The following F11R variants were observed in gnomAD, a reference collection of about 807,000 sequenced individuals.
F11R encodes junctional adhesion molecule A.
In F11R, 27 loss-of-function variants were observed where a neutral mutation model predicts 39.3. That is an observed-to-expected ratio of 0.69 (90% CI 0.51 to 0.95). The LOEUF is 0.95. Ranked by LOEUF, F11R falls within the 40% of genes least tolerant of loss-of-function variation. The pLI is 0.00. For missense variants in F11R, 335 were observed against 372.7 expected (o/e 0.90, Z 0.83); for synonymous variants, 131 against 144.9 (o/e 0.90, Z 0.69).
intron 1 of F11R, among the ~76,000 whole-genome samples, chr1:161,009,985 T>G (rs770058757): frequency 9.9e-5 from 15 of 151,880 alleles, no homozygotes; most frequent in Admixed American, 3.9e-4. Flanking sequence ...GGTCTTATGA[T>G]TGACAATGGC....
At chr1:161,017,054 A>C (rs918493196) in intron 1 of F11R, among the ~76,000 whole-genome samples, 5 of 152,144 alleles carry the variant, frequency 3.3e-5, no homozygotes, top group African/African-American at 1.2e-4. Flanking sequence ...TTGTTAAACA[A>C]ATGCTTGAAG....
At position 160,997,594 on chromosome 1, in the gene F11R, C is replaced by T. The variant is rs1458193101; in HGVS notation, c.*1277G>A. On this transcript the variant is annotated 3_prime_UTR_variant, in exon 10 of 10. Transcript: ENST00000368026. ...AGGACCAGGCACTGGGAACCAGCCCCAGGTTGCTGGGAAGCAAGGCTTTGA... is the reference window on the plus strand; with the variant it reads ...AGGACCAGGCACTGGGAACCAGCCCTAGGTTGCTGGGAAGCAAGGCTTTGA... 6.5e-6 allele frequency: 1 copy of T among 152,786 alleles called. No individual in the cohort carries two copies. The highest frequency in any genetic ancestry group is 2.4e-5 in the African/African-American group (1 of 41,452). The allele number at this position is 152,786 out of a possible 1,614,324, so 9.5% of individuals were successfully genotyped here.
At chr1:161,019,646 G>T (rs147889313) in intron 1 of F11R, among the ~76,000 whole-genome samples, 5 of 151,078 alleles carry the variant, frequency 3.3e-5, no homozygotes, top group East Asian at 3.9e-4. Flanking sequence ...TAGTGGGAAA[G>T]TAAGTTTAAA....
intron 1 of F11R, among the ~76,000 whole-genome samples, chr1:161,002,063 A>G (rs1357406413): frequency 6.6e-6 from 1 of 152,038 alleles, no homozygotes; most frequent in East Asian, 1.9e-4. Flanking sequence ...CAGGAGTTCA[A>G]GACCAGCCTG....
In F11R at chr1:160,998,682, G is replaced by C; in HGVS notation, c.*189C>G. ...CAGGCCACTCAGCAGTGGTAGGAAA[G>C]GGAGGGAGGGCATGAAGGAGGATGG... On this transcript the variant is annotated 3_prime_UTR_variant, in exon 10 of 10. Transcript: ENST00000368026. 1 of 624,090 alleles carries C rather than the reference G, an allele frequency of 1.6e-6. No homozygotes were observed. Among genetic ancestry groups the C allele is most frequent in the Non-Finnish European group, 2.9e-6 (1 of 347,594 alleles). 38.7% of individuals were successfully genotyped at this position (624,090 alleles called of 1,614,324 possible).
chr1:161,010,107 T>C (rs895570014), intron 1 of F11R, among the ~76,000 whole-genome samples: 1 of 149,422 alleles, frequency 6.7e-6, no homozygotes, highest in Admixed American at 6.7e-5. Flanking sequence ...ATTGAAGTAC[T>C]ACCGTTACCA....
Position 160,998,887 on chromosome 1 carries a change from G to C in F11R, c.884C>G (p.Ser295Trp). The change falls in exon 10 of 10, where the codon TCG becomes TGG. Residue 295 changes from serine to tryptophan, a missense_variant. Transcript: ENST00000368026. ...ARSEGEFKQT[S>W]SFLV ...CGACCAGGCTCACACCAGGAATGAC[G>C]AGGTCTGTTTGAATTCTCCCTGCAG... The C allele has an allele frequency of 6.2e-7, 1 of 1,614,132 alleles. No individual in the cohort carries two copies. Among genetic ancestry groups the C allele is most frequent in the South Asian group, 1.1e-5 (1 of 91,084 alleles).
At chr1:161,016,243 G>GT (rs1341011686) in intron 1 of F11R, among the ~76,000 whole-genome samples, 4 of 152,048 alleles carry the variant, frequency 2.6e-5, no homozygotes, top group African/African-American at 7.2e-5. Context: ...TTTGGAGGCC[G>GT]TGGCGGGCAG....
chr1:160,998,855 G>A lies in F11R; in HGVS notation c.*16C>T, dbSNP rs370163633. The A allele has an allele frequency of 3.6e-5, 58 of 1,613,252 alleles. No individual in the cohort carries two copies. The highest frequency in any genetic ancestry group is 2.1e-4 in the African/African-American group (16 of 74,896). On this transcript the variant is annotated 3_prime_UTR_variant, in exon 10 of 10. Transcript: ENST00000368026. ...AGTAAGGCAAATGCAGATGATAGGC[G>A]GTGAGCCGACCAGGCTCACACCAGG...
At chr1:161,003,486 C>T (rs1648614657) in intron 1 of F11R, among the ~76,000 whole-genome samples, 1 of 152,098 alleles carries the variant, frequency 6.6e-6, no homozygotes, top group Non-Finnish European at 1.5e-5. Flanking sequence ...TGGTCTCAAA[C>T]TCCTGACCTA....
In F11R at chr1:161,015,347, G is replaced by A. The variant is rs1302385233; in HGVS notation, c.64+5663C>T. ...CGCGAGGCGGAGCTTGCAGTGAGCCGAGATTGCTCCAGTGCACTCCAGCCT... is the reference window on the plus strand; with the variant it reads ...CGCGAGGCGGAGCTTGCAGTGAGCCAAGATTGCTCCAGTGCACTCCAGCCT... On this transcript the variant is annotated intron_variant, in intron 1 of 9. Transcript: ENST00000368026. 8.0e-4 allele frequency among the ~76,000 whole-genome samples: 117 copies of A among 145,704 alleles called. 1 individual carries two copies. Among genetic ancestry groups the A allele is most frequent in the South Asian group, 8.7e-4 (4 of 4,614 alleles).
chr1:161,020,882 G>A, intron 1 of F11R, 128 bp downstream of exon 1: 2 of 837,010 alleles, frequency 2.4e-6, no homozygotes, highest in Non-Finnish European at 4.0e-6. Context: ...GGGTGGAAAA[G>A]ATAATTCGCA....
intron 1 of F11R, among the ~76,000 whole-genome samples, chr1:161,010,373 G>A (rs189010366): frequency 1.3e-4 from 18 of 140,024 alleles, no homozygotes; most frequent in Admixed American, 7.7e-5. Context: ...GAAGCCGAGA[G>A]GGGGAGGTTG....
chr1:161,004,055 C>T (rs938387740), intron 1 of F11R, among the ~76,000 whole-genome samples: 7 of 152,068 alleles, frequency 4.6e-5, no homozygotes, highest in South Asian at 2.1e-4. Context: ...TGAGCCACCG[C>T]GCCCGGCAAT....
At position 161,000,070 on chromosome 1, in the gene F11R, G is replaced by T. The variant is rs1648378975; in HGVS notation, c.591+76C>A. ...ACCCCAGTTCCAAGTTCACCCTGTT[G>T]CCTGTTCTTCCTCCCACCTTTTGGG... is the stretch of plus-strand genomic sequence containing the variant. On this transcript the variant is annotated intron_variant, in intron 5 of 9. Coordinates refer to ENST00000368026, the MANE Select transcript of F11R (RefSeq NM_016946.6). 12 of 1,596,920 alleles carry T rather than the reference G, an allele frequency of 7.5e-6. No homozygotes were observed. The South Asian group carries it at 1.2e-4, about 16-fold the overall frequency.
At chr1:161,007,619 A>C (rs981805163) in intron 1 of F11R, among the ~76,000 whole-genome samples, 4 of 152,252 alleles carry the variant, frequency 2.6e-5, no homozygotes, top group Non-Finnish European at 5.9e-5. Flanking sequence ...AAGGCTAAAC[A>C]AGCTAATACT....
At position 161,021,135 on chromosome 1, in the gene F11R, G is replaced by T; in HGVS notation, c.-62C>A. ...CTCCTGGGAACAGACACAGCTCCGC[G>T]ACTACAGCGAGGGGACTGAGAGCCA... On this transcript the variant is annotated 5_prime_UTR_variant, in exon 1 of 10. Transcript: ENST00000368026. The T allele has an allele frequency of 6.7e-7, 1 of 1,487,618 alleles. No individual in the cohort carries two copies. Among genetic ancestry groups the T allele is most frequent in the Non-Finnish European group, 9.3e-7 (1 of 1,070,952 alleles). The allele number at this position is 1,487,618 out of a possible 1,614,324, so 92.2% of individuals were successfully genotyped here.
intron 1 of F11R, among the ~76,000 whole-genome samples, chr1:161,014,285 A>G (rs1234725599): frequency 1.3e-5 from 2 of 152,198 alleles, no homozygotes; most frequent in Non-Finnish European, 2.9e-5. Flanking sequence ...TGGCATTTAA[A>G]TCTATTTTTG....
intron 1 of F11R, among the ~76,000 whole-genome samples, chr1:161,001,798 T>G (rs1375376094): frequency 6.6e-6 from 1 of 152,212 alleles, no homozygotes; most frequent in Non-Finnish European, 1.5e-5. Context: ...ATGAGGATAA[T>G]AATAATACTC....
Sources: allele counts gnomAD v4.1 joint callset (sites outside exome capture counted in the v4.1 genomes callset), GRCh38; gene constraint gnomAD v4.1.1; transcripts MANE v1.5; gene names NCBI Gene and HGNC (gene_info 2026-07-23, HGNC 2026-07-21).